SULF2: variants seen among roughly 807,000 people sequenced by gnomAD.
SULF2 encodes the protein extracellular sulfatase Sulf-2.
SULF2 carries 52 observed loss-of-function variants against 107.7 expected under a neutral mutation model. That is an observed-to-expected ratio of 0.48 (90% CI 0.39 to 0.61). SULF2 has a LOEUF of 0.61. Ranked by LOEUF, SULF2 falls within the 20% of genes least tolerant of loss-of-function variation. The pLI is 0.00. For missense variants in SULF2, 993 were observed against 1,177.3 expected, an observed-to-expected ratio of 0.84 and a Z score of 2.29; for synonymous variants, 460 against 464.3, an observed-to-expected ratio of 0.99 and a Z score of 0.12.
chr20:47,679,518 C>T (rs1707141002), intron 7 of SULF2, among the ~76,000 whole-genome samples: 1 of 152,212 alleles, frequency 6.6e-6, no homozygotes, highest in African/African-American at 2.4e-5. Flanking sequence ...TGGTTTCTTT[C>T]TCCCCTTGCT....
chr20:47,677,404 G>GTGTT (rs1465046597), intron 8 of SULF2, among the ~76,000 whole-genome samples: 5 of 141,020 alleles, frequency 3.5e-5, no homozygotes, highest in African/African-American at 5.2e-5. Flanking sequence ...AAGTAACTGT[G>GTGTT]TGTGTGTGTG....
chr20:47,775,536 G>A (rs1298503035), intron 1 of SULF2, among the ~76,000 whole-genome samples: 2 of 152,230 alleles, frequency 1.3e-5, no homozygotes, highest in Non-Finnish European at 2.9e-5. Flanking sequence ...AGAATCCTCA[G>A]TGACACTGAT....
intron 2 of SULF2, among the ~76,000 whole-genome samples, chr20:47,738,259 C>T (rs1459493690): frequency 2.6e-5 from 4 of 152,170 alleles, no homozygotes; most frequent in Admixed American, 6.5e-5. Flanking sequence ...ATAGGTGTGA[C>T]GAGTGCATGC....
At chr20:47,697,748 G>C (rs918074748) in intron 4 of SULF2, among the ~76,000 whole-genome samples, 2 of 152,206 alleles carry the variant, frequency 1.3e-5, no homozygotes, top group Admixed American at 1.3e-4. Context: ...GCAGGAAACA[G>C]GGCAAAAGGA....
intron 2 of SULF2, among the ~76,000 whole-genome samples, chr20:47,750,224 C>T (rs561510831): frequency 5.9e-5 from 9 of 152,310 alleles, no homozygotes; most frequent in South Asian, 2.1e-4. Context: ...TCTTGATCCG[C>T]GTGCCTTGGC....
chr20:47,704,256 CTGTTTT>C (rs980003984), intron 3 of SULF2, among the ~76,000 whole-genome samples: 1 of 150,022 alleles, frequency 6.7e-6, no homozygotes, highest in African/African-American at 2.5e-5. Context: ...TGATCCTCTT[CTGTTTT>C]TATTTTGCAT....
At chr20:47,662,320 G>A (rs1447001820) in intron 17 of SULF2, among the ~76,000 whole-genome samples, 1 of 152,168 alleles carries the variant, frequency 6.6e-6, no homozygotes, top group Non-Finnish European at 1.5e-5. Flanking sequence ...TGTAGTCTGG[G>A]AGCTACCGGT....
At chr20:47,741,643 C>G (rs373226260) in intron 2 of SULF2, among the ~76,000 whole-genome samples, 1 of 152,156 alleles carries the variant, frequency 6.6e-6, no homozygotes, top group South Asian at 2.1e-4. Flanking sequence ...CTTAAATGCA[C>G]GAGTCCAGGG....
At chr20:47,776,536 G>A (rs901228879) in intron 1 of SULF2, among the ~76,000 whole-genome samples, 1 of 152,206 alleles carries the variant, frequency 6.6e-6, no homozygotes, top group African/African-American at 2.4e-5. Flanking sequence ...TAAAGAGGCT[G>A]CTCTCCTGGG....
chr20:47,712,596 G>A (rs1337750620), intron 3 of SULF2, among the ~76,000 whole-genome samples: 4 of 152,198 alleles, frequency 2.6e-5, no homozygotes, highest in South Asian at 4.1e-4. Flanking sequence ...GTGTGCACAC[G>A]GTGAGCAGTG....
chr20:47,764,603 CTG>C (rs960741984), intron 1 of SULF2, among the ~76,000 whole-genome samples: 4 of 152,182 alleles, frequency 2.6e-5, no homozygotes, highest in African/African-American at 9.7e-5. Context: ...CTGGAGGAGA[CTG>C]TGCTGGGTGC....
At chr20:47,772,439 T>C (rs1052764333) in intron 1 of SULF2, among the ~76,000 whole-genome samples, 3 of 152,146 alleles carry the variant, frequency 2.0e-5, no homozygotes, top group Non-Finnish European at 4.4e-5. Context: ...GGCAACAGTA[T>C]AAAGGCAATG....
chr20:47,683,083 A>C lies in SULF2; in HGVS notation c.975T>G (p.Phe325Leu), dbSNP rs2087881586. Reference protein sequence around the residue: ...TADHGYHIGQFGLVKGKSMPY... With the variant: ...TADHGYHIGQLGLVKGKSMPY... Reference sequence around the variant, plus strand: ...GCATGGATTTCCCTTTCACCAGGCCAAACTGGCCGATGTGGTAACCGTGGT... The same window carrying C: ...GCATGGATTTCCCTTTCACCAGGCCCAACTGGCCGATGTGGTAACCGTGGT... The change falls in exon 7 of 21, where the codon TTT becomes TTG. Residue 325 changes from phenylalanine (F) to leucine (L), a missense_variant. Transcript: ENST00000688720. The C allele has an allele frequency of 6.2e-7, 1 of 1,613,572 alleles. No individual in the cohort carries two copies. Among genetic ancestry groups the C allele is most frequent in the Non-Finnish European group, 8.5e-7 (1 of 1,179,950 alleles).
At chr20:47,704,233 C>T (rs73313942) in intron 3 of SULF2, among the ~76,000 whole-genome samples, 1 of 152,058 alleles carries the variant, frequency 6.6e-6, no homozygotes, top group East Asian at 1.9e-4. Flanking sequence ...AGGAGACAGA[C>T]AAGACCTCTT....
At chr20:47,768,747 C>T (rs1443944182) in intron 1 of SULF2, among the ~76,000 whole-genome samples, 1 of 152,248 alleles carries the variant, frequency 6.6e-6, no homozygotes, top group African/African-American at 2.4e-5. Context: ...TGGGCCTTCC[C>T]TGGCCCTCTG....
chr20:47,675,209 A>G (rs2087601950), intron 10 of SULF2, among the ~76,000 whole-genome samples: 1 of 152,178 alleles, frequency 6.6e-6, no homozygotes, highest in South Asian at 2.1e-4. Flanking sequence ...CTTTTAGCCC[A>G]GAACTAAAAT....
chr20:47,676,396 C>G (rs1185621808), intron 10 of SULF2, 98 bp downstream of exon 10: 19 of 1,404,420 alleles, frequency 1.4e-5, no homozygotes, highest in Non-Finnish European at 1.8e-5. Context: ...CGTTGGGAGG[C>G]CCTGGCCCTG....
At chr20:47,754,805 G>A (rs1381694638) in intron 2 of SULF2, among the ~76,000 whole-genome samples, 1 of 152,190 alleles carries the variant, frequency 6.6e-6, no homozygotes, top group Non-Finnish European at 1.5e-5. Flanking sequence ...TAGAGCAGTG[G>A]CTAAGATCAC....
At chr20:47,693,663 C>T (rs2088278733) in intron 4 of SULF2, among the ~76,000 whole-genome samples, 1 of 152,172 alleles carries the variant, frequency 6.6e-6, no homozygotes, top group Non-Finnish European at 1.5e-5. Context: ...AGGACACAAA[C>T]ACAGCATCGT....
Sources: gnomAD v4.1 joint callset for allele counts (sites outside exome capture counted in the v4.1 genomes callset) on GRCh38, gnomAD v4.1.1 for gene constraint, MANE v1.5 for transcripts, NCBI Gene and HGNC (gene_info 2026-07-23, HGNC 2026-07-21) for gene names.